The following CACNA1E variants were observed in gnomAD, a reference collection of about 807,000 sequenced individuals.
CACNA1E encodes voltage-dependent R-type calcium channel subunit alpha-1E.
In CACNA1E, 40 loss-of-function variants were observed where a neutral mutation model predicts 259.2. The observed-to-expected ratio is 0.15, with a 90% CI of 0.12 to 0.20. CACNA1E has a LOEUF of 0.20. Among genes scored for constraint, CACNA1E ranks in the 10% least tolerant of loss-of-function variants. CACNA1E has a pLI of 1.00. For synonymous variants in CACNA1E, 1,104 were observed against 1,138.5 expected (o/e 0.97, Z 0.61); for missense variants, 1,874 against 3,040.1 (o/e 0.62, Z 9.02).
At chr1:181,562,832 A>G (rs1649456762) in intron 3 of CACNA1E, among the ~76,000 whole-genome samples, 2 of 152,002 alleles carry the variant, frequency 1.3e-5, no homozygotes, top group African/African-American at 4.8e-5. Flanking sequence ...TCCTCTAACA[A>G]CTCAGCATTT....
intron 25 of CACNA1E, among the ~76,000 whole-genome samples, chr1:181,744,564 A>C (rs1656880884): frequency 6.6e-6 from 1 of 152,200 alleles, no homozygotes; most frequent in African/African-American, 2.4e-5. Context: ...ACAGACAAAC[A>C]TTTCACCCTA....
At chr1:181,679,200 A>G (rs890682998) in intron 7 of CACNA1E, among the ~76,000 whole-genome samples, 1 of 152,212 alleles carries the variant, frequency 6.6e-6, no homozygotes, top group African/African-American at 2.4e-5. Flanking sequence ...AATGTATTGG[A>G]TAACTACAAT....
chr1:181,470,054 T>G (rs556161240), intron 2 of CACNA1E, among the ~76,000 whole-genome samples: 2 of 143,260 alleles, frequency 1.4e-5, no homozygotes, highest in African/African-American at 2.6e-5. Flanking sequence ...AGAGAGAGAG[T>G]GAGAGAGAGA....
At chr1:181,577,387 T>C (rs1651082186) in intron 3 of CACNA1E, among the ~76,000 whole-genome samples, 1 of 151,872 alleles carries the variant, frequency 6.6e-6, no homozygotes, top group South Asian at 2.1e-4. Context: ...CCTAAGAAAA[T>C]TTTGAAATAA....
chr1:181,537,080 G>T (rs985417443), intron 3 of CACNA1E, among the ~76,000 whole-genome samples: 1 of 137,620 alleles, frequency 7.3e-6, no homozygotes, highest in Admixed American at 7.9e-5. Context: ...GGGGGCCGTG[G>T]TTTCTTTTTC....
At position 181,807,352 on chromosome 1, in the gene CACNA1E, T is replaced by G. The variant is rs1423241421; in HGVS notation, c.*8518T>G. On this transcript the variant is annotated 3_prime_UTR_variant, in exon 48 of 48. Transcript: ENST00000367573. ...ATGACCAGCCTCCTCTGAAAAAAGG[T>G]GGGGGGATTATAGGGCACCAGCTCA... 6.6e-6 allele frequency: 1 copy of G among 151,790 alleles called. No individual in the cohort carries two copies. Among genetic ancestry groups the G allele is most frequent in the Non-Finnish European group, 1.5e-5 (1 of 67,992 alleles). The allele number at this position is 151,790 out of a possible 1,614,324, so 9.4% of individuals were successfully genotyped here. A position where few individuals can be genotyped will look rare whatever the true frequency, so the allele number is the denominator to read the frequency against.
intron 3 of CACNA1E, among the ~76,000 whole-genome samples, chr1:181,515,670 A>G (rs1666525746): frequency 6.6e-6 from 1 of 152,194 alleles, no homozygotes; most frequent in South Asian, 2.1e-4. Flanking sequence ...ACTATTACAC[A>G]TTAGTCAAGA....
Position 181,331,692 on chromosome 1 carries a change from A to C in CACNA1E, c.-15+13569A>C, listed in dbSNP as rs115201358. Among the ~76,000 whole-genome samples the C allele has an allele frequency of 4.0e-3, 605 of 152,278 alleles. 8 individuals are homozygous for C. The highest frequency in any genetic ancestry group is 0.014 in the African/African-American group (580 of 41,568). On this transcript the variant is annotated intron_variant, in intron 1 of 11. Coordinates refer to the CACNA1E transcript ENST00000524607. ...CCTTAATCCAGTCAAGTTGACACCT[A>C]ATATTAACCATCACAGCATGTAAAG...
chr1:181,681,119 G>A (rs1462833611), intron 7 of CACNA1E, among the ~76,000 whole-genome samples: 1 of 152,234 alleles, frequency 6.6e-6, no homozygotes, highest in Non-Finnish European at 1.5e-5. Context: ...GTGAAGAACA[G>A]TTGAGGAGAA....
chr1:181,451,727 G>A (rs1399541743), intron 2 of CACNA1E, among the ~76,000 whole-genome samples: 1 of 152,140 alleles, frequency 6.6e-6, no homozygotes. Flanking sequence ...AGCTAGCAAT[G>A]TTTTATTTGA....
At chr1:181,459,593 G>A (rs1661676128) in intron 2 of CACNA1E, among the ~76,000 whole-genome samples, 1 of 152,234 alleles carries the variant, frequency 6.6e-6, no homozygotes, top group South Asian at 2.1e-4. Flanking sequence ...TACAGTCAGA[G>A]GGTTAGTGTG....
chr1:181,429,124 G>A (rs1253286793), intron 2 of CACNA1E, among the ~76,000 whole-genome samples: 2 of 152,164 alleles, frequency 1.3e-5, no homozygotes, highest in African/African-American at 2.4e-5. Context: ...AGAGGTTACA[G>A]TCAACCGAGA....
intron 1 of CACNA1E, among the ~76,000 whole-genome samples, chr1:181,324,534 A>G (rs901139480): frequency 6.6e-6 from 1 of 152,262 alleles, no homozygotes; most frequent in Non-Finnish European, 1.5e-5. Flanking sequence ...GAGGTTGAGC[A>G]TTGTGATTAA....
chr1:181,767,181 G>T (rs576702935), intron 35 of CACNA1E, among the ~76,000 whole-genome samples: 81 of 152,240 alleles, frequency 5.3e-4, no homozygotes, highest in African/African-American at 1.9e-3. Context: ...GGAGACTCAA[G>T]GGCCACATTC....
chr1:181,645,965 T>G (rs1280830659), intron 6 of CACNA1E, among the ~76,000 whole-genome samples: 1 of 152,066 alleles, frequency 6.6e-6, no homozygotes, highest in Non-Finnish European at 1.5e-5. Flanking sequence ...GCCTGTGAGG[T>G]GCAGGAGGCC....
intron 2 of CACNA1E, among the ~76,000 whole-genome samples, chr1:181,442,888 C>T (rs1660587512): frequency 6.6e-6 from 1 of 152,168 alleles, no homozygotes; most frequent in Non-Finnish European, 1.5e-5. Flanking sequence ...GTGGGCTGCT[C>T]CCTCTGCAGG....
chr1:181,782,034 A>G (rs1558385124), intron 39 of CACNA1E, among the ~76,000 whole-genome samples: 1 of 152,230 alleles, frequency 6.6e-6, no homozygotes, highest in Non-Finnish European at 1.5e-5. Context: ...AACTCATAAC[A>G]AATGTTTTCA....
At chr1:181,371,625 A>T (rs945430309) in intron 1 of CACNA1E, among the ~76,000 whole-genome samples, 3 of 152,138 alleles carry the variant, frequency 2.0e-5, no homozygotes, top group African/African-American at 7.2e-5. Context: ...TTTTGTTGCA[A>T]TTGCTTTTGG....
rs1572741943 is a variant in CACNA1E, at chr1:181,734,924, T to G, written c.3262+1174T>G. ...TTGCCCTGACCCCATACCCCATCCC[T>G]GCTCTGGCCTCATGATCTCTGTGCA... On this transcript the variant is annotated intron_variant, in intron 21 of 47. Coordinates refer to ENST00000367573, the MANE Select transcript of CACNA1E (RefSeq NM_001205293.3). Among the ~76,000 whole-genome samples, 7 of 152,340 alleles carry G rather than the reference T, an allele frequency of 4.6e-5. No individual in the cohort carries two copies. The East Asian group carries it at 1.2e-3, about 25-fold the overall frequency.
Sources: gnomAD v4.1 joint callset for allele counts (sites outside exome capture counted in the v4.1 genomes callset) on GRCh38, gnomAD v4.1.1 for gene constraint, MANE v1.5 for transcripts, NCBI Gene and HGNC (gene_info 2026-07-23, HGNC 2026-07-21) for gene names.